The following CSNK1D variants were observed in gnomAD, a reference collection of about 807,000 sequenced individuals.
CSNK1D encodes the protein casein kinase I isoform delta.
CSNK1D carries 16 observed loss-of-function variants against 46.6 expected under a neutral mutation model. That is an observed-to-expected ratio of 0.34 (90% CI 0.23 to 0.52). The LOEUF (loss-of-function observed/expected upper bound fraction) is 0.52. Ranked by LOEUF, CSNK1D falls within the 20% of genes least tolerant of loss-of-function variation. The pLI, the probability that CSNK1D is intolerant of heterozygous loss-of-function variation, is 0.95. For missense variants in CSNK1D, 398 were observed against 578.4 expected (o/e 0.69, Z 3.20); for synonymous variants, 276 against 228.2 (o/e 1.21, Z -1.89).
In CSNK1D at chr17:82,242,897, G is replaced by T. The variant is rs1487936855; in HGVS notation, c.*1884C>A. 1.0e-6 allele frequency: 1 copy of T among 985,462 alleles called. No individual in the cohort carries two copies. Among genetic ancestry groups the T allele is most frequent in the East Asian group, 1.1e-4 (1 of 8,812 alleles). 61.0% of individuals were successfully genotyped at this position (985,462 alleles called of 1,614,324 possible). On this transcript the variant is annotated 3_prime_UTR_variant, in exon 9 of 9. Transcript: ENST00000314028. Reference sequence around the variant, plus strand: ...CGGGCTGGAACCCGGGCGCAGAGCTGCCTCGCACAAACGTTCTGGGCACTA... The same window carrying T: ...CGGGCTGGAACCCGGGCGCAGAGCTTCCTCGCACAAACGTTCTGGGCACTA...
chr17:82,251,259 TTC>T lies in CSNK1D; in HGVS notation c.885+118_885+119del, dbSNP rs1430401723. ...GGTCCTGCCCACTACACACTTGCCC[TTC>T]ACAACCAGAGACACTCCCTATATGG... is the stretch of plus-strand genomic sequence containing the variant. On this transcript the variant is annotated intron_variant, in intron 6 of 8. Coordinates refer to ENST00000314028, the MANE Select transcript of CSNK1D (RefSeq NM_001893.6). The surrounding 1 kb of genome is among the most constrained non-coding windows in gnomAD (Gnocchi z 4.5). 2.4e-6 allele frequency: 3 copies of T among 1,258,084 alleles called. No homozygotes were observed. Among genetic ancestry groups the T allele is most frequent in the Non-Finnish European group, 3.4e-6 (3 of 878,836 alleles). 77.9% of individuals were successfully genotyped at this position (1,258,084 alleles called of 1,614,324 possible).
intron 8 of CSNK1D, 68 bp from the exon 9 acceptor site, chr17:82,244,899 G>A: frequency 6.2e-7 from 1 of 1,606,410 alleles, no homozygotes. Flanking sequence ...AGATACCACA[G>A]TGACGGTGCT....
intron 1 of CSNK1D, among the ~76,000 whole-genome samples, chr17:82,269,096 TAAAA>T (rs766007194): frequency 1.3e-3 from 140 of 105,386 alleles, no homozygotes; most frequent in African/African-American, 4.5e-3. Flanking sequence ...TACTTTGTCT[TAAAA>T]AAAAAAAAAA....
At chr17:82,253,300 C>G in intron 3 of CSNK1D, 56 bp from the exon 4 acceptor site, 6 of 1,341,062 alleles carry the variant, frequency 4.5e-6, no homozygotes, top group Non-Finnish European at 6.4e-6. Context: ...AGGGAGGGAC[C>G]GCTCAACTGT....
chr17:82,266,348 G>A (rs1365895767), intron 1 of CSNK1D, among the ~76,000 whole-genome samples: 3 of 152,220 alleles, frequency 2.0e-5, no homozygotes, highest in East Asian at 1.9e-4. Flanking sequence ...TCCACCAGGC[G>A]GAGGGAGGCC....
chr17:82,245,427 C>T, intron 8 of CSNK1D: 1 of 210,768 alleles, frequency 4.7e-6, no homozygotes, highest in East Asian at 1.2e-4. Context: ...GGGCAGAGAC[C>T]AAGTGTGAAA....
chr17:82,257,667 C>T (rs114661913), intron 2 of CSNK1D, among the ~76,000 whole-genome samples: 1 of 152,198 alleles, frequency 6.6e-6, no homozygotes, highest in Non-Finnish European at 1.5e-5. Flanking sequence ...TGGGCTGCCC[C>T]CTGCACTGCT....
Position 82,248,643 on chromosome 17 carries a change from CTGAGACT to C in CSNK1D, c.1197+225_1197+231del. On this transcript the variant is annotated intron_variant, in intron 8 of 8. Transcript: ENST00000314028. This position sits in a 1 kb window ranked among gnomAD's most constrained non-coding sequence, Gnocchi z 4.1. ...TTTGCTGGCCTCAGGGACCTGAGAC[CTGAGACT>C]GGCCACCTGCAACCAGGAGACAAGC... 1.4e-6 allele frequency: 2 copies of C among 1,385,226 alleles called. No homozygotes were observed. Among genetic ancestry groups the C allele is most frequent in the East Asian group, 2.8e-5 (1 of 36,048 alleles). 85.8% of individuals were successfully genotyped at this position (1,385,226 alleles called of 1,614,324 possible).
downstream of CSNK1D, chr17:82,240,207 A>C (rs1462692362): frequency 1.9e-6 from 1 of 521,446 alleles, no homozygotes; most frequent in Non-Finnish European, 3.0e-6. Flanking sequence ...AGCAGGGCTC[A>C]GGCTGGCGGG....
intron 8 of CSNK1D, among the ~76,000 whole-genome samples, chr17:82,245,783 A>G (rs1026602958): frequency 6.6e-6 from 1 of 152,224 alleles, no homozygotes; most frequent in African/African-American, 2.4e-5. Flanking sequence ...CTCTGTGGAC[A>G]GCCTCCCCCC....
At position 82,244,593 on chromosome 17, in the gene CSNK1D, C is replaced by A; in HGVS notation, c.*188G>T. 1 of 1,512,670 alleles carries A rather than the reference C, an allele frequency of 6.6e-7. No homozygotes were observed. Among genetic ancestry groups the A allele is most frequent in the Non-Finnish European group, 8.8e-7 (1 of 1,131,996 alleles). 93.7% of individuals were successfully genotyped at this position (1,512,670 alleles called of 1,614,324 possible). A position where few individuals can be genotyped will look rare whatever the true frequency, so the allele number is the denominator to read the frequency against. On this transcript the variant is annotated 3_prime_UTR_variant, in exon 9 of 9. Transcript: ENST00000314028. Reference sequence around the variant, plus strand: ...GTGGGGGGCCGCAGTGCAGCCCCAGCGGTGGCAGCTCTTGGAGTCTGTCCG... The same window carrying A: ...GTGGGGGGCCGCAGTGCAGCCCCAGAGGTGGCAGCTCTTGGAGTCTGTCCG...
chr17:82,261,634 A>G (rs2051342361), intron 2 of CSNK1D, among the ~76,000 whole-genome samples: 1 of 152,238 alleles, frequency 6.6e-6, no homozygotes, highest in East Asian at 1.9e-4. Context: ...CAAAGCAACA[A>G]AAACTTACAA....
chr17:82,260,090 G>A (rs1362289266), intron 2 of CSNK1D, among the ~76,000 whole-genome samples: 1 of 148,024 alleles, frequency 6.8e-6, no homozygotes, highest in Non-Finnish European at 1.5e-5. Context: ...CTGGTGTACT[G>A]ACTGATATGA....
At chr17:82,240,035 G>A, downstream of CSNK1D, 1 of 1,233,824 alleles carries the variant, frequency 8.1e-7, no homozygotes, top group Non-Finnish European at 1.0e-6. Context: ...GCCGCGTGCA[G>A]CCGGAGAGAT....
At chr17:82,264,727 G>C (rs913726211) in intron 2 of CSNK1D, among the ~76,000 whole-genome samples, 9 of 152,016 alleles carry the variant, frequency 5.9e-5, no homozygotes, top group African/African-American at 2.2e-4. Context: ...CGTGCCACTG[G>C]CAACAGCTCC....
At position 82,252,720 on chromosome 17, in the gene CSNK1D, C is replaced by G; in HGVS notation, c.566-116G>C. 9.2e-7 allele frequency: 1 copy of G among 1,092,704 alleles called. No individual in the cohort carries two copies. The highest frequency in any genetic ancestry group is 1.3e-6 in the Non-Finnish European group (1 of 741,438). The allele number at this position is 1,092,704 out of a possible 1,614,324, so 67.7% of individuals were successfully genotyped here. ...CTCAGACACACATGCCCAGATCACT[C>G]CAGCTGGCACTTCCAGTGGAGACGA... On this transcript the variant is annotated intron_variant, in intron 4 of 8. Transcript: ENST00000314028. This position sits in a 1 kb window ranked among gnomAD's most constrained non-coding sequence, Gnocchi z 4.6.
At chr17:82,240,496 G>A (rs932260924), downstream of CSNK1D, among the ~76,000 whole-genome samples, 6 of 152,172 alleles carry the variant, frequency 3.9e-5, no homozygotes, top group Non-Finnish European at 5.9e-5. Flanking sequence ...GAGTGACCTG[G>A]GCTTACAGAG....
At position 82,250,018 on chromosome 17, in the gene CSNK1D, G is replaced by C. The variant is rs993001740; in HGVS notation, c.886-416C>G. The C allele has an allele frequency of 2.4e-6, 3 of 1,240,996 alleles. No individual in the cohort carries two copies. Among genetic ancestry groups the C allele is most frequent in the Non-Finnish European group, 2.1e-6 (2 of 964,494 alleles). 76.9% of individuals were successfully genotyped at this position (1,240,996 alleles called of 1,614,324 possible). On this transcript the variant is annotated intron_variant, in intron 6 of 8. Transcript: ENST00000314028. The surrounding 1 kb of genome is among the most constrained non-coding windows in gnomAD (Gnocchi z 4.6). The stretch of plus-strand genomic sequence containing the variant: ...GGGGAGGAAAGCGGGGTGGGGATGA[G>C]AGCGTTTGGTCGGACGAGGAGTACA...
chr17:82,251,691 G>A lies in CSNK1D; in HGVS notation c.737-164C>T, dbSNP rs954847476. 2.1e-5 allele frequency: 17 copies of A among 803,286 alleles called. No homozygotes were observed. Among genetic ancestry groups the A allele is most frequent in the Middle Eastern group, 2.6e-4 (1 of 3,792 alleles). The allele number at this position is 803,286 out of a possible 1,614,324, so 49.8% of individuals were successfully genotyped here. ...AGACCTGAAGCCTTGAGAAAGCATC[G>A]AAAAGTATTCAAGTCACGGCCGGGT... On this transcript the variant is annotated intron_variant, in intron 5 of 8. Coordinates refer to ENST00000314028, the MANE Select transcript of CSNK1D (RefSeq NM_001893.6). This position sits in a 1 kb window ranked among gnomAD's most constrained non-coding sequence, Gnocchi z 4.5.
Sources: gnomAD v4.1 joint callset for allele counts (sites outside exome capture counted in the v4.1 genomes callset) on GRCh38, gnomAD v4.1.1 for gene constraint, Gnocchi (gnomAD v3.1) non-coding constraint, MANE v1.5 for transcripts, NCBI Gene and HGNC (gene_info 2026-07-23, HGNC 2026-07-21) for gene names.